INSR: variants seen among roughly 807,000 people sequenced by gnomAD.
INSR encodes the protein IR.
INSR carries 67 observed loss-of-function variants against 142.6 expected under a neutral mutation model. That is an observed-to-expected ratio of 0.47 (90% CI 0.39 to 0.58). INSR has a LOEUF of 0.58. Ranked by LOEUF, INSR falls within the 20% of genes least tolerant of loss-of-function variation. The pLI is 0.00. For missense variants in INSR, 1,248 were observed against 1,833.2 expected (o/e 0.68, Z 5.83); for synonymous variants, 756 against 743.1 (o/e 1.02, Z -0.28).
chr19:7,287,618 G>A (rs1968377536), intron 1 of INSR, among the ~76,000 whole-genome samples: 1 of 152,108 alleles, frequency 6.6e-6, no homozygotes, highest in African/African-American at 2.4e-5. Flanking sequence ...AAATACACAT[G>A]GCTAAGTAGG....
rs1975424045 is a variant in INSR, at chr19:7,216,060, C to T, written c.653-31423G>A. Among the ~76,000 whole-genome samples, 1 of 151,778 alleles carries T rather than the reference C, an allele frequency of 6.6e-6. No homozygotes were observed. The highest frequency in any genetic ancestry group is 2.1e-4 in the South Asian group (1 of 4,790). On this transcript the variant is annotated intron_variant, in intron 2 of 21. Coordinates refer to ENST00000302850, the MANE Select transcript of INSR (RefSeq NM_000208.4). The surrounding 1 kb of genome is among the most constrained non-coding windows in gnomAD (Gnocchi z 4.2). The stretch of plus-strand genomic sequence containing the variant: ...GAAGCAGGCTGGGCACGGTGGCTCA[C>T]GCCTATAATCCCAGCACTTTGGGAG...
chr19:7,217,838 C>T (rs1256359066), intron 2 of INSR, among the ~76,000 whole-genome samples: 2 of 152,232 alleles, frequency 1.3e-5, no homozygotes, highest in East Asian at 1.9e-4. Context: ...GGATTACAGG[C>T]GTAAGCCACC....
At chr19:7,182,164 T>C (rs1974291352) in intron 3 of INSR, among the ~76,000 whole-genome samples, 1 of 151,818 alleles carries the variant, frequency 6.6e-6, no homozygotes, top group African/African-American at 2.4e-5. Flanking sequence ...AAACCCGGTC[T>C]CTACTAAAAA....
chr19:7,218,593 T>A (rs994020957), intron 2 of INSR, among the ~76,000 whole-genome samples: 2 of 152,142 alleles, frequency 1.3e-5, no homozygotes, highest in South Asian at 4.1e-4. Context: ...CAGGCTGGAG[T>A]GCAGTGGCAT....
intron 2 of INSR, among the ~76,000 whole-genome samples, chr19:7,240,894 A>G (rs1475829550): frequency 6.6e-6 from 1 of 152,214 alleles, no homozygotes; most frequent in Non-Finnish European, 1.5e-5. Flanking sequence ...TCAGCCCCAC[A>G]GTATCTCATT....
At chr19:7,182,060 G>A (rs964424263) in intron 3 of INSR, among the ~76,000 whole-genome samples, 2 of 151,714 alleles carry the variant, frequency 1.3e-5, no homozygotes, top group Admixed American at 6.6e-5. Context: ...GGCCAGGTGC[G>A]GTGGCTCATG....
chr19:7,163,227 T>A, intron 8 of INSR, 28 bp from the exon 9 acceptor site: 1 of 1,598,700 alleles, frequency 6.3e-7, no homozygotes, highest in Non-Finnish European at 8.6e-7. Flanking sequence ...AATGGGTCCA[T>A]CATGAGAAAC....
intron 1 of INSR, among the ~76,000 whole-genome samples, chr19:7,272,651 G>A (rs923175409): frequency 1.3e-4 from 20 of 151,856 alleles, no homozygotes; most frequent in African/African-American, 4.6e-4. Context: ...AAAACCCCAC[G>A]AAACAAAAAC....
intron 1 of INSR, among the ~76,000 whole-genome samples, chr19:7,283,549 C>T (rs1261247634): frequency 6.6e-6 from 1 of 152,012 alleles, no homozygotes; most frequent in African/African-American, 2.4e-5. Flanking sequence ...CAGCAATTCT[C>T]CCGCCTCAGC....
intron 2 of INSR, among the ~76,000 whole-genome samples, chr19:7,212,233 AATC>A (rs1975297670): frequency 6.6e-6 from 1 of 152,120 alleles, no homozygotes; most frequent in South Asian, 2.1e-4. Flanking sequence ...GCCAGAGGGA[AATC>A]ATCAAAGCCG....
chr19:7,275,271 G>A (rs112795828), intron 1 of INSR, among the ~76,000 whole-genome samples: 23,540 of 151,522 alleles, frequency 0.16, 2,216 homozygotes, highest in East Asian at 0.21. Flanking sequence ...CACTGCGCCC[G>A]GCCAGCCCTG....
chr19:7,147,863 A>G (rs1418160139), intron 11 of INSR, among the ~76,000 whole-genome samples: 1 of 152,190 alleles, frequency 6.6e-6, no homozygotes, highest in Non-Finnish European at 1.5e-5. Context: ...GAGTTTATAT[A>G]CCAAAAAGAT....
intron 4 of INSR, 114 bp downstream of exon 4, chr19:7,174,469 T>C: frequency 3.2e-6 from 4 of 1,234,464 alleles, no homozygotes; most frequent in Non-Finnish European, 4.8e-6. Flanking sequence ...ACGACCATCC[T>C]AAAAGTGCTG....
At chr19:7,227,966 C>T (rs1975841761) in intron 2 of INSR, among the ~76,000 whole-genome samples, 2 of 151,698 alleles carry the variant, frequency 1.3e-5, no homozygotes, top group Admixed American at 1.3e-4. Context: ...ACCAGGGTAG[C>T]ATCACCCAGA....
At chr19:7,206,280 A>C (rs1313413993) in intron 2 of INSR, among the ~76,000 whole-genome samples, 2 of 151,888 alleles carry the variant, frequency 1.3e-5, no homozygotes, top group African/African-American at 2.4e-5. Flanking sequence ...CAATCTTCCC[A>C]CCTCAGCCTC....
chr19:7,146,443 T>C (rs1057349108), intron 11 of INSR, among the ~76,000 whole-genome samples: 3 of 152,010 alleles, frequency 2.0e-5, no homozygotes, highest in Non-Finnish European at 4.4e-5. Flanking sequence ...TGTTTCACCA[T>C]GTTGACCAGA....
At position 7,168,436 on chromosome 19, in the gene INSR, A is replaced by G. The variant is rs115685088; in HGVS notation, c.1484-342T>C. Among the ~76,000 whole-genome samples the G allele has an allele frequency of 4.4e-3, 673 of 152,298 alleles. 5 individuals carry two copies. Among genetic ancestry groups the G allele is most frequent in the African/African-American group, 0.015 (642 of 41,578 alleles). ...CAAGGGTGATGTTTGTCCTGACACA[A>G]CGTTGTCTCGCATATGGACTTGTAA... On this transcript the variant is annotated intron_variant, in intron 6 of 21. Transcript: ENST00000302850. The surrounding 1 kb of genome is among the most constrained non-coding windows in gnomAD (Gnocchi z 4.3).
Position 7,115,669 on chromosome 19 carries a change from G to A in INSR, c.*1387C>T, listed in dbSNP as rs539892019. On this transcript the variant is annotated 3_prime_UTR_variant, in exon 22 of 22. Coordinates refer to ENST00000302850, the MANE Select transcript of INSR (RefSeq NM_000208.4). Reference sequence around the variant, plus strand: ...GATGTTCACACCCGGGAGAGGAAACGCCACAAGAGGTACACACAGAGAATC... The same window carrying A: ...GATGTTCACACCCGGGAGAGGAAACACCACAAGAGGTACACACAGAGAATC... The A allele has an allele frequency of 3.3e-5, 5 of 152,224 alleles. No individual in the cohort carries two copies. The East Asian group carries it at 5.8e-4, about 18-fold the overall frequency. The allele number at this position is 152,224 out of a possible 1,614,324, so 9.4% of individuals were successfully genotyped here.
chr19:7,144,633 A>G (rs1030944960), intron 11 of INSR, among the ~76,000 whole-genome samples: 3 of 151,018 alleles, frequency 2.0e-5, no homozygotes, highest in Admixed American at 2.0e-4. Context: ...CAAACTCCTG[A>G]CCTCAGGTGA....
Sources: gnomAD v4.1 joint callset for allele counts (sites outside exome capture counted in the v4.1 genomes callset) on GRCh38, gnomAD v4.1.1 for gene constraint, Gnocchi (gnomAD v3.1) non-coding constraint, MANE v1.5 for transcripts, NCBI Gene and HGNC (gene_info 2026-07-23, HGNC 2026-07-21) for gene names.